SH3GL3: variants seen among roughly 807,000 people sequenced by gnomAD.
The protein encoded by SH3GL3 is endophilin-A3.
Under a neutral mutation model 47.7 loss-of-function variants are expected in SH3GL3, and 33 were observed. That is an observed-to-expected ratio of 0.69 (90% CI 0.52 to 0.92). The LOEUF (loss-of-function observed/expected upper bound fraction) is 0.92. SH3GL3 is among the 40% of genes least tolerant of loss of function. The pLI, the probability that SH3GL3 is intolerant of heterozygous loss-of-function variation, is 0.00. For missense variants in SH3GL3, 363 were observed against 417.8 expected (o/e 0.87, Z 1.14); for synonymous variants, 155 against 148.8 (o/e 1.04, Z -0.30).
chr15:83,539,621 T>C (rs2044070139), intron 1 of SH3GL3, among the ~76,000 whole-genome samples: 1 of 152,234 alleles, frequency 6.6e-6, no homozygotes, highest in African/African-American at 2.4e-5. Context: ...ATCAGAGTTC[T>C]TTTTAATATT....
chr15:83,570,221 C>T (rs1204588323), intron 4 of SH3GL3, among the ~76,000 whole-genome samples: 1 of 152,092 alleles, frequency 6.6e-6, no homozygotes, highest in East Asian at 1.9e-4. Flanking sequence ...TGTTTTCTAA[C>T]AAATAAATAG....
intron 1 of SH3GL3, among the ~76,000 whole-genome samples, chr15:83,485,029 C>G (rs925186565): frequency 7.2e-5 from 11 of 152,134 alleles, no homozygotes; most frequent in African/African-American, 2.7e-4. Flanking sequence ...GATTTGTATT[C>G]CCTTGCAGAT....
chr15:83,482,654 C>T (rs757185912), intron 1 of SH3GL3, among the ~76,000 whole-genome samples: 3 of 151,918 alleles, frequency 2.0e-5, no homozygotes, highest in Admixed American at 6.6e-5. Flanking sequence ...CCACCACACC[C>T]GGCTAACTTT....
chr15:83,478,350 G>C (rs1028578768), intron 1 of SH3GL3, among the ~76,000 whole-genome samples: 1 of 152,178 alleles, frequency 6.6e-6, no homozygotes, highest in African/African-American at 2.4e-5. Context: ...GGAACTGGAA[G>C]CCCCAGCCAG....
chr15:83,620,085 C>A (rs1482367495), downstream of SH3GL3, among the ~76,000 whole-genome samples: 1 of 152,168 alleles, frequency 6.6e-6, no homozygotes, highest in Non-Finnish European at 1.5e-5. Context: ...TCTATTCAAG[C>A]TTTTTTACGA....
At chr15:83,523,381 G>C (rs1225972288) in intron 1 of SH3GL3, among the ~76,000 whole-genome samples, 1 of 152,198 alleles carries the variant, frequency 6.6e-6, no homozygotes. Flanking sequence ...TGCCTAGGAA[G>C]TGGTGCGGGG....
At chr15:83,562,030 A>AACACACACACACACACACACACAC (rs55856428) in intron 2 of SH3GL3, among the ~76,000 whole-genome samples, 4 of 132,980 alleles carry the variant, frequency 3.0e-5, no homozygotes, top group Non-Finnish European at 4.9e-5. Context: ...ACACACACAC[A>AACACACACACACACACACACACAC]ACACACACAC....
At chr15:83,581,762 G>A (rs1227475473) in intron 6 of SH3GL3, among the ~76,000 whole-genome samples, 2 of 152,136 alleles carry the variant, frequency 1.3e-5, no homozygotes, top group Admixed American at 6.5e-5. Flanking sequence ...TCTATTTTTG[G>A]CAGAACTGGG....
intron 1 of SH3GL3, among the ~76,000 whole-genome samples, chr15:83,479,590 T>C (rs901157277): frequency 2.0e-5 from 3 of 152,310 alleles, no homozygotes; most frequent in East Asian, 3.9e-4. Flanking sequence ...CTGCCCATCA[T>C]TGGCTGAGGA....
chr15:83,537,791 C>G (rs1169969014), intron 1 of SH3GL3, among the ~76,000 whole-genome samples: 1 of 152,134 alleles, frequency 6.6e-6, no homozygotes, highest in African/African-American at 2.4e-5. Context: ...CATCTGCTCT[C>G]TGTCTTCTAG....
chr15:83,481,541 C>T (rs1013657384), intron 1 of SH3GL3, among the ~76,000 whole-genome samples: 1 of 152,120 alleles, frequency 6.6e-6, no homozygotes, highest in East Asian at 1.9e-4. Flanking sequence ...ACTTGAGTTA[C>T]ATTAAAGCAG....
intron 8 of SH3GL3, among the ~76,000 whole-genome samples, chr15:83,596,559 C>A (rs1208092488): frequency 6.6e-6 from 1 of 152,160 alleles, no homozygotes; most frequent in Non-Finnish European, 1.5e-5. Context: ...CATTCCCTTC[C>A]GTATTCCTCA....
intron 6 of SH3GL3, among the ~76,000 whole-genome samples, chr15:83,577,947 C>T (rs1177654678): frequency 6.6e-6 from 1 of 152,214 alleles, no homozygotes; most frequent in Non-Finnish European, 1.5e-5. Flanking sequence ...TCCCCCAGCT[C>T]TCTGGTGCCT....
At chr15:83,456,373 C>G (rs1198516550) in intron 1 of SH3GL3, among the ~76,000 whole-genome samples, 1 of 39,994 alleles carries the variant, frequency 2.5e-5, no homozygotes, top group Non-Finnish European at 5.3e-5. Context: ...TTTACCTAAT[C>G]AAGCCTGGGC....
At chr15:83,631,276 T>C in the SH3GL3 span, among the ~76,000 whole-genome samples, 1 of 152,184 alleles carries the variant, frequency 6.6e-6, no homozygotes, top group African/African-American at 2.4e-5. Flanking sequence ...GCATTGAGTG[T>C]CTGCAGCTTT....
Position 83,448,442 on chromosome 15 carries a change from ATGTGTGTGTGTG to A in SH3GL3, c.45+892_45+903del, listed in dbSNP as rs71156081. 2.6e-4 allele frequency among the ~76,000 whole-genome samples: 37 copies of A among 140,740 alleles called. 2 individuals are homozygous for A. The highest frequency in any genetic ancestry group is 8.2e-4 in the African/African-American group (30 of 36,408). 92.3% of individuals were successfully genotyped at this position (140,740 alleles called of 152,430 possible). A position where few individuals can be genotyped will look rare whatever the true frequency, so the allele number is the denominator to read the frequency against. On this transcript the variant is annotated intron_variant, in intron 1 of 8. Coordinates refer to ENST00000427482, the MANE Select transcript of SH3GL3 (RefSeq NM_003027.5). This position sits in a 1 kb window ranked among gnomAD's most constrained non-coding sequence, Gnocchi z 4.2. The stretch of plus-strand genomic sequence containing the variant: ...AAACAGGAGGGGAGACATGAAATTG[ATGTGTGTGTGTG>A]TGTGTGTGTGTGTGTGTGTGTGTGT...
At chr15:83,463,908 A>G (rs2040438186) in intron 1 of SH3GL3, among the ~76,000 whole-genome samples, 1 of 151,538 alleles carries the variant, frequency 6.6e-6, no homozygotes, top group African/African-American at 2.4e-5. Context: ...AGTTGAGACT[A>G]CAGTTGTGCG....
At chr15:83,458,212 A>G (rs1357724277) in intron 1 of SH3GL3, among the ~76,000 whole-genome samples, 1 of 152,182 alleles carries the variant, frequency 6.6e-6, no homozygotes, top group Non-Finnish European at 1.5e-5. Flanking sequence ...GAAAGTGTTG[A>G]GCTGAGGGGA....
intron 1 of SH3GL3, among the ~76,000 whole-genome samples, chr15:83,513,702 T>G (rs572529432): frequency 6.6e-6 from 1 of 152,284 alleles, no homozygotes; most frequent in Non-Finnish European, 1.5e-5. Flanking sequence ...CTCCATTCAT[T>G]TCTACTTCCC....
Sources: gnomAD v4.1 joint callset for allele counts (sites outside exome capture counted in the v4.1 genomes callset) on GRCh38, gnomAD v4.1.1 for gene constraint, Gnocchi (gnomAD v3.1) non-coding constraint, MANE v1.5 for transcripts, NCBI Gene and HGNC (gene_info 2026-07-23, HGNC 2026-07-21) for gene names.